The following DCC variants were observed in gnomAD, a reference collection of about 807,000 sequenced individuals.
DCC encodes the protein netrin receptor DCC.
DCC carries 58 observed loss-of-function variants against 172.5 expected under a neutral mutation model. The observed-to-expected ratio is 0.34, with a 90% CI of 0.27 to 0.42. The LOEUF (loss-of-function observed/expected upper bound fraction) is 0.42, where lower values mean the gene tolerates loss of function less well. DCC is among the 10% of genes least tolerant of loss of function. DCC has a pLI of 1.00. For missense variants in DCC, 1,740 were observed against 1,791.0 expected, an observed-to-expected ratio of 0.97 and a Z score of 0.51; for synonymous variants, 709 against 644.5, an observed-to-expected ratio of 1.10 and a Z score of -1.52.
intron 2 of DCC, among the ~76,000 whole-genome samples, chr18:52,883,172 A>AAC (rs2145407849): frequency 6.6e-6 from 1 of 152,148 alleles, no homozygotes; most frequent in Non-Finnish European, 1.5e-5. Context: ...TCTTGTGGGC[A>AAC]ACAGATCATT....
intron 25 of DCC, among the ~76,000 whole-genome samples, chr18:53,472,714 C>A (rs1171594506): frequency 6.6e-6 from 1 of 152,162 alleles, no homozygotes; most frequent in African/African-American, 2.4e-5. Context: ...AGCTTCCTAG[C>A]TAAGTCTTCC....
chr18:52,849,509 T>G (rs1187067894), intron 2 of DCC, among the ~76,000 whole-genome samples: 1 of 152,180 alleles, frequency 6.6e-6, no homozygotes, highest in Non-Finnish European at 1.5e-5. Flanking sequence ...ATCCAGCAAC[T>G]GTTAACCTGG....
chr18:53,067,189 T>C (rs934795713), intron 7 of DCC, among the ~76,000 whole-genome samples: 2 of 152,158 alleles, frequency 1.3e-5, no homozygotes, highest in Non-Finnish European at 2.9e-5. Context: ...TTTTGTTTTA[T>C]AGTCTTTTGG....
intron 7 of DCC, among the ~76,000 whole-genome samples, chr18:53,128,825 A>G (rs1351208949): frequency 1.1e-5 from 1 of 88,708 alleles, no homozygotes; most frequent in African/African-American, 4.8e-5. Flanking sequence ...CTATGTGTAT[A>G]CACATACACA....
intron 1 of DCC, among the ~76,000 whole-genome samples, chr18:52,633,458 A>G (rs1368546661): frequency 1.3e-5 from 2 of 152,114 alleles, no homozygotes; most frequent in Non-Finnish European, 2.9e-5. Context: ...CCTCTGCCCT[A>G]ATTAGTTGTG....
chr18:53,434,698 G>GTTATAAA (rs1417146702), intron 21 of DCC, among the ~76,000 whole-genome samples: 3 of 152,136 alleles, frequency 2.0e-5, no homozygotes, highest in Non-Finnish European at 4.4e-5. Flanking sequence ...CCAGTTATAA[G>GTTATAAA]ATGAAATGTG....
intron 1 of DCC, among the ~76,000 whole-genome samples, chr18:52,644,115 T>G (rs958119702): frequency 5.9e-5 from 9 of 152,118 alleles, no homozygotes; most frequent in Non-Finnish European, 7.4e-5. Flanking sequence ...GCTCAAGGAT[T>G]TATTAGGATT....
intron 7 of DCC, among the ~76,000 whole-genome samples, chr18:53,066,644 C>G (rs2042575189): frequency 1.3e-5 from 2 of 151,446 alleles, no homozygotes; most frequent in African/African-American, 4.8e-5. Context: ...TACGTACACA[C>G]ATATCTATAA....
At chr18:52,648,320 C>A (rs2035057999) in intron 1 of DCC, among the ~76,000 whole-genome samples, 1 of 152,184 alleles carries the variant, frequency 6.6e-6, no homozygotes, top group African/African-American at 2.4e-5. Flanking sequence ...ACGTGAGAAC[C>A]AGTTGTTAAA....
chr18:53,481,361 A>T (rs2045829779), intron 25 of DCC, among the ~76,000 whole-genome samples: 1 of 152,158 alleles, frequency 6.6e-6, no homozygotes, highest in Non-Finnish European at 1.5e-5. Flanking sequence ...CTTTACCATT[A>T]TATTAAGAAT....
chr18:52,858,177 T>G (rs2039083181), intron 2 of DCC, among the ~76,000 whole-genome samples: 1 of 152,242 alleles, frequency 6.6e-6, no homozygotes, highest in Non-Finnish European at 1.5e-5. Flanking sequence ...TTCTGAAGAC[T>G]GCGCTGTAGG....
In DCC at chr18:53,391,781, G is replaced by C; in HGVS notation, c.2582G>C (p.Arg861Thr). 6.2e-7 allele frequency: 1 copy of C among 1,614,024 alleles called. No homozygotes were observed. Among genetic ancestry groups the C allele is most frequent in the Non-Finnish European group, 8.5e-7 (1 of 1,179,916 alleles). The change falls in exon 17 of 29, where the codon AGG becomes ACG. Residue 861 changes from arginine to threonine, a missense_variant. Around this residue, in one of 2 missense-constraint regions of DCC, gnomAD observed 1,732 missense variants for 1,767.4 expected, o/e 0.98. Transcript: ENST00000442544. ...GTGGCTCTTACCCATGATGCTGTGAGGGTCAGCTGGGCAGACAACTCTGTC... is the reference window on the plus strand; with the variant it reads ...GTGGCTCTTACCCATGATGCTGTGACGGTCAGCTGGGCAGACAACTCTGTC... ...QAVALTHDAV[R>T]VSWADNSVPK...
intron 2 of DCC, among the ~76,000 whole-genome samples, chr18:52,861,349 C>T (rs553682226): frequency 6.6e-5 from 10 of 152,290 alleles, no homozygotes; most frequent in East Asian, 3.9e-4. Context: ...CTGGTCGTAT[C>T]TGAAAATAAG....
At chr18:52,791,500 TTCCTGGG>T (rs1422687465) in intron 2 of DCC, among the ~76,000 whole-genome samples, 3 of 151,810 alleles carry the variant, frequency 2.0e-5, no homozygotes, top group Non-Finnish European at 2.9e-5. Context: ...TCCTAAATGG[TTCCTGGG>T]TCCTGGCATC....
chr18:53,050,380 AATG>A (rs1318608737), intron 5 of DCC, among the ~76,000 whole-genome samples: 2 of 152,062 alleles, frequency 1.3e-5, no homozygotes, highest in Non-Finnish European at 2.9e-5. Flanking sequence ...TGGCCATTTT[AATG>A]ATACTGATTC....
At chr18:52,612,377 T>G (rs1428971202) in intron 1 of DCC, among the ~76,000 whole-genome samples, 1 of 152,170 alleles carries the variant, frequency 6.6e-6, no homozygotes, top group African/African-American at 2.4e-5. Context: ...CTTATCATTT[T>G]GTGGTCATCA....
Position 53,428,014 on chromosome 18 carries a change from TATA to T in DCC, c.3164-7123_3164-7121del, listed in dbSNP as rs945336986. On this transcript the variant is annotated intron_variant, in intron 21 of 28. Coordinates refer to ENST00000442544, the MANE Select transcript of DCC (RefSeq NM_005215.4). ...ATTATAATAATATATAATATAATAC[TATA>T]ATAATATAGAATATATCATATAATA... Among the ~76,000 whole-genome samples, 141 of 75,132 alleles carry T rather than the reference TATA, an allele frequency of 1.9e-3. 35 individuals are homozygous for T. Among genetic ancestry groups the T allele is most frequent in the African/African-American group, 1.7e-3 (37 of 21,544 alleles). 49.3% of individuals were successfully genotyped at this position (75,132 alleles called of 152,430 possible).
chr18:52,822,989 A>G (rs952968687), intron 2 of DCC, among the ~76,000 whole-genome samples: 1 of 152,192 alleles, frequency 6.6e-6, no homozygotes, highest in African/African-American at 2.4e-5. Context: ...GCTAGAATTT[A>G]TAATCTTTTA....
At chr18:52,985,436 T>G (rs1425096266) in intron 5 of DCC, among the ~76,000 whole-genome samples, 1 of 152,104 alleles carries the variant, frequency 6.6e-6, no homozygotes, top group Non-Finnish European at 1.5e-5. Context: ...AGAAAGATAG[T>G]GGCAATTTAA....
Sources: allele counts gnomAD v4.1 joint callset (sites outside exome capture counted in the v4.1 genomes callset), GRCh38; gene constraint gnomAD v4.1.1; regional missense constraint gnomAD v4.1.1; transcripts MANE v1.5; gene names NCBI Gene and HGNC (gene_info 2026-07-23, HGNC 2026-07-21).